The following MERTK variants were observed in gnomAD, a reference collection of about 807,000 sequenced individuals.
The protein encoded by MERTK is tyrosine-protein kinase Mer.
MERTK carries 69 observed loss-of-function variants against 99.3 expected under a neutral mutation model. The ratio of observed to expected loss-of-function variants is 0.70; its 90% CI spans 0.57 to 0.85. The LOEUF is 0.85. MERTK is among the 40% of genes least tolerant of loss of function. The pLI is 0.00. For missense variants in MERTK, 1,125 were observed against 1,249.4 expected (o/e 0.90, Z 1.50); for synonymous variants, 426 against 467.6 (o/e 0.91, Z 1.15).
At chr2:111,909,676 G>T (rs965698216) in intron 1 of MERTK, among the ~76,000 whole-genome samples, 2 of 152,162 alleles carry the variant, frequency 1.3e-5, no homozygotes, top group African/African-American at 2.4e-5. Flanking sequence ...TAGACATATA[G>T]CTTAGAAGGT....
chr2:111,997,603 C>T (rs1266919494), intron 10 of MERTK, 127 bp downstream of exon 10: 1 of 1,136,208 alleles, frequency 8.8e-7, no homozygotes, highest in East Asian at 2.5e-5. Context: ...CTTATGCATA[C>T]CCTGGGCTCA....
chr2:111,994,552 G>A, intron 9 of MERTK, 148 bp downstream of exon 9: 4 of 1,143,190 alleles, frequency 3.5e-6, no homozygotes, highest in Non-Finnish European at 5.3e-6. Context: ...GCAAAAGCAG[G>A]AGGAGTTTGA....
intron 15 of MERTK, among the ~76,000 whole-genome samples, chr2:112,011,615 G>A (rs1677107188): frequency 6.6e-6 from 1 of 152,160 alleles, no homozygotes; most frequent in Non-Finnish European, 1.5e-5. Flanking sequence ...GCCAGGTGTG[G>A]TGGCAGGCAC....
rs868128932 is a variant in MERTK, at chr2:112,014,625, C to T, written c.2079+4559C>T. Among the ~76,000 whole-genome samples the T allele has an allele frequency of 6.7e-4, 102 of 151,540 alleles. No individual in the cohort carries two copies. The Middle Eastern group carries it at 0.014, about 20-fold the overall frequency. On this transcript the variant is annotated intron_variant, in intron 15 of 18. Transcript: ENST00000295408. ...AGAATGTTACATAAATGGAGTCATA[C>T]ATTTATAACCTTTTTTTTTTTTCTT...
At chr2:112,017,265 C>T (rs1345533154) in intron 15 of MERTK, among the ~76,000 whole-genome samples, 1 of 152,060 alleles carries the variant, frequency 6.6e-6, no homozygotes, top group Non-Finnish European at 1.5e-5. Context: ...CACAGAGCAC[C>T]AATTGATGCG....
At chr2:111,938,414 A>G (rs914955565) in intron 2 of MERTK, among the ~76,000 whole-genome samples, 4 of 152,188 alleles carry the variant, frequency 2.6e-5, no homozygotes, top group African/African-American at 9.7e-5. Flanking sequence ...TATAGGTGGC[A>G]TCATACAATA....
At chr2:111,978,588 G>T (rs998037070) in intron 7 of MERTK, among the ~76,000 whole-genome samples, 2 of 152,164 alleles carry the variant, frequency 1.3e-5, no homozygotes, top group Non-Finnish European at 2.9e-5. Context: ...TATAATAGGG[G>T]ATTATAGGCA....
chr2:111,921,164 G>T (rs1006904116), intron 1 of MERTK, among the ~76,000 whole-genome samples: 5 of 152,124 alleles, frequency 3.3e-5, no homozygotes, highest in African/African-American at 1.2e-4. Context: ...TGGGGGCACT[G>T]GTCTAGGTTC....
chr2:111,951,915 A>G (rs997640533), intron 4 of MERTK, among the ~76,000 whole-genome samples: 6 of 152,106 alleles, frequency 3.9e-5, no homozygotes, highest in African/African-American at 7.2e-5. Context: ...TGTATGTTTT[A>G]TAAAAATAGG....
rs774302020 is a variant in MERTK at position 111,945,073 on chromosome 2, A to G, written c.583+13A>G. The G allele has an allele frequency of 1.3e-6, 2 of 1,591,330 alleles. No individual in the cohort carries two copies. The highest frequency in any genetic ancestry group is 1.1e-5 in the South Asian group (1 of 90,568). On this transcript the variant is annotated intron_variant, in intron 3 of 18. Coordinates refer to ENST00000295408, the MANE Select transcript of MERTK (RefSeq NM_006343.3). ...ATCGAAGTACAAGGTAAGTCCACAG[A>G]CCAGAGTCCCATTGCCAGAGAACTG...
intron 13 of MERTK, 92 bp downstream of exon 13, chr2:112,004,076 C>A (rs4848933): frequency 8.8e-7 from 1 of 1,132,808 alleles, no homozygotes; most frequent in Non-Finnish European, 1.3e-6. Flanking sequence ...AATCTCAGTT[C>A]CCAGTGGGCC....
intron 6 of MERTK, among the ~76,000 whole-genome samples, chr2:111,972,919 T>A (rs986929284): frequency 6.6e-6 from 1 of 152,214 alleles, no homozygotes; most frequent in Non-Finnish European, 1.5e-5. Flanking sequence ...AGGGACCAAG[T>A]ATGGCTTTGT....
intron 1 of MERTK, among the ~76,000 whole-genome samples, chr2:111,922,989 C>T (rs907504111): frequency 6.6e-6 from 1 of 152,178 alleles, no homozygotes; most frequent in Non-Finnish European, 1.5e-5. Context: ...ATGTCTGAGC[C>T]ACTGTAATTG....
At chr2:111,991,901 G>C (rs992293457) in intron 8 of MERTK, among the ~76,000 whole-genome samples, 5 of 152,134 alleles carry the variant, frequency 3.3e-5, no homozygotes, top group Non-Finnish European at 7.4e-5. Flanking sequence ...TTCTGAAGTA[G>C]CTTCAGAGCT....
chr2:111,930,376 G>A (rs1218612952), intron 2 of MERTK: 1 of 152,180 alleles, frequency 6.6e-6, no homozygotes, highest in Non-Finnish European at 1.5e-5. Flanking sequence ...AAACGGAGCA[G>A]GTCAAAACTC....
intron 1 of MERTK, among the ~76,000 whole-genome samples, chr2:111,914,237 A>G (rs1428658611): frequency 1.3e-5 from 2 of 149,540 alleles, no homozygotes; most frequent in Non-Finnish European, 1.5e-5. Flanking sequence ...CCAAGTAGCC[A>G]GGACTACAGG....
intron 9 of MERTK, 131 bp downstream of exon 9, chr2:111,994,535 T>G: frequency 2.3e-6 from 3 of 1,315,504 alleles, no homozygotes; most frequent in Non-Finnish European, 2.2e-6. Flanking sequence ...TCTCAACACT[T>G]CAGGAGGCAA....
intron 2 of MERTK, among the ~76,000 whole-genome samples, chr2:111,931,308 C>G (rs1573579628): frequency 6.6e-6 from 1 of 152,176 alleles, no homozygotes; most frequent in African/African-American, 2.4e-5. Context: ...CTCTCGGCAG[C>G]CGTTCTCAGC....
chr2:111,952,923 A>G (rs1685083450), intron 4 of MERTK, among the ~76,000 whole-genome samples: 1 of 152,170 alleles, frequency 6.6e-6, no homozygotes, highest in South Asian at 2.1e-4. Context: ...TGCCAGTCTG[A>G]TGGCAAATAC....
Sources: allele counts gnomAD v4.1 joint callset (sites outside exome capture counted in the v4.1 genomes callset), GRCh38; gene constraint gnomAD v4.1.1; transcripts MANE v1.5; gene names NCBI Gene and HGNC (gene_info 2026-07-23, HGNC 2026-07-21).